Variants in MAPT observed in about 807,000 individuals in gnomAD.
The protein encoded by MAPT is microtubule associated protein tau.
MAPT carries 34 observed loss-of-function variants against 67.9 expected under a neutral mutation model. The ratio of observed to expected loss-of-function variants is 0.50; its 90% CI spans 0.38 to 0.67. The LOEUF (loss-of-function observed/expected upper bound fraction) is 0.67. Among genes scored for constraint, MAPT ranks in the 30% least tolerant of loss-of-function variants. The probability of loss-of-function intolerance (pLI) is 0.00; values close to 1 mark genes in which losing one functional copy is unlikely to be tolerated. For missense variants in MAPT, 881 were observed against 1,115.2 expected (o/e 0.79, Z 2.99); for synonymous variants, 456 against 464.5 (o/e 0.98, Z 0.23).
Position 45,971,806 on chromosome 17 carries a change from AGGG to A in MAPT, c.134-50_134-48del. The stretch of plus-strand genomic sequence containing the variant: ...CTCCCCAGTTCCTCCTGAGAACAAA[AGGG>A]GGCGCTGGGGAGAGGCCACCGTTCT... On this transcript the variant is annotated intron_variant, in intron 2 of 12. Transcript: ENST00000262410. The surrounding 1 kb of genome is among the most constrained non-coding windows in gnomAD (Gnocchi z 4.3). The A allele has an allele frequency of 7.7e-7, 1 of 1,291,686 alleles. No individual in the cohort carries two copies. The highest frequency in any genetic ancestry group is 1.1e-6 in the Non-Finnish European group (1 of 886,376). 80.0% of individuals were successfully genotyped at this position (1,291,686 alleles called of 1,614,324 possible). A position where few individuals can be genotyped will look rare whatever the true frequency, so the allele number is the denominator to read the frequency against.
At position 45,983,347 on chromosome 17, in the gene MAPT, C is replaced by T. The variant is rs1045768576; in HGVS notation, c.768C>T (p.Gly256=). ...SGTGPEDTEG[G]RHAPELLKHQ... The stretch of plus-strand genomic sequence containing the variant: ...CAGGACCTGAGGACACAGAGGGCGG[C>T]CGCCACGCCCCTGAGCTGCTCAAGC... Residue 256 remains glycine, a synonymous_variant, in exon 5 of 13, where the codon GGC becomes GGT. Coordinates refer to ENST00000262410, the MANE Select transcript of MAPT (RefSeq NM_001377265.1). 4 of 1,603,808 alleles carry T rather than the reference C, an allele frequency of 2.5e-6. No individual in the cohort carries two copies. The highest frequency in any genetic ancestry group is 3.4e-5 in the Admixed American group (2 of 58,908).
chr17:45,941,891 G>C (rs919076192), intron 1 of MAPT, among the ~76,000 whole-genome samples: 5 of 151,922 alleles, frequency 3.3e-5, no homozygotes, highest in Admixed American at 2.6e-4. Context: ...CCAGAACCTA[G>C]GTGTGTGCTT....
intron 4 of MAPT, chr17:45,980,460 T>A (rs1285041765): frequency 6.7e-6 from 1 of 148,646 alleles, no homozygotes; most frequent in Non-Finnish European, 1.5e-5. Flanking sequence ...GCCGAGATCA[T>A]GCCACTGCAC....
intron 1 of MAPT, among the ~76,000 whole-genome samples, chr17:45,904,170 T>TTA (rs574315253): frequency 3.0e-5 from 1 of 33,802 alleles, no homozygotes; most frequent in East Asian, 1.4e-3. Context: ...TTATATATAT[T>TTA]TATATATATA....
intron 5 of MAPT, among the ~76,000 whole-genome samples, chr17:45,985,186 T>C (rs964290625): frequency 5.3e-5 from 8 of 152,036 alleles, no homozygotes; most frequent in African/African-American, 1.7e-4. Context: ...GCACCTGTAG[T>C]CCCAGCTACT....
At chr17:45,958,877 A>G (rs1303656313) in intron 1 of MAPT, among the ~76,000 whole-genome samples, 1 of 152,120 alleles carries the variant, frequency 6.6e-6, no homozygotes, top group Non-Finnish European at 1.5e-5. Flanking sequence ...AGCTTGGCCA[A>G]CATGGTGAAA....
chr17:45,905,757 A>T (rs2064261418), intron 1 of MAPT, among the ~76,000 whole-genome samples: 1 of 152,194 alleles, frequency 6.6e-6, no homozygotes, highest in Non-Finnish European at 1.5e-5. Flanking sequence ...AATGGAGATT[A>T]TACTGTCTTC....
At chr17:45,931,781 T>A (rs1442235438) in intron 1 of MAPT, 1 of 152,218 alleles carries the variant, frequency 6.6e-6, no homozygotes, top group African/African-American at 2.4e-5. Flanking sequence ...CTGTTTTAAA[T>A]TTTAAATACA....
intron 3 of MAPT, chr17:45,975,113 C>T (rs1188767943): frequency 6.6e-6 from 1 of 152,602 alleles, no homozygotes; most frequent in Non-Finnish European, 1.5e-5. Context: ...CTCAGCCCAC[C>T]AGGCCCTAGG....
At position 45,987,043 on chromosome 17, in the gene MAPT, G is replaced by A. The variant is rs200710643; in HGVS notation, c.1355G>A (p.Arg452His). ...PVSRVPQLKARMVSKSKDGTG... is the reference protein window; with the variant it reads ...PVSRVPQLKAHMVSKSKDGTG... The stretch of plus-strand genomic sequence containing the variant: ...TTCTTATTTTATATTTTATCAGCTC[G>A]CATGGTCAGTAAAAGCAAAGACGGG... The change falls in exon 6 of 13, where the codon CGC (arginine) becomes CAC (histidine). Residue 452 changes from arginine (R) to histidine (H), a missense_variant. This residue lies in a region of MAPT where 687 missense variants were observed against 766.1 expected (regional missense o/e 0.90). Coordinates refer to ENST00000262410, the MANE Select transcript of MAPT (RefSeq NM_001377265.1). The A allele has an allele frequency of 3.5e-5, 57 of 1,613,520 alleles. No homozygotes were observed. Among genetic ancestry groups the A allele is most frequent in the South Asian group, 2.9e-4 (26 of 91,052 alleles).
At chr17:45,957,381 C>T (rs940055263) in intron 1 of MAPT, among the ~76,000 whole-genome samples, 3 of 152,170 alleles carry the variant, frequency 2.0e-5, no homozygotes, top group Non-Finnish European at 4.4e-5. Context: ...TGTCTGTTGG[C>T]GAACTCTAGC....
intron 1 of MAPT, among the ~76,000 whole-genome samples, chr17:45,909,335 C>T (rs2064579097): frequency 6.6e-6 from 1 of 152,218 alleles, no homozygotes; most frequent in South Asian, 2.1e-4. Context: ...ATAAGCCCTG[C>T]CTCCTACTGG....
chr17:45,950,080 G>C (rs552822144), intron 1 of MAPT, among the ~76,000 whole-genome samples: 13 of 152,214 alleles, frequency 8.5e-5, no homozygotes, highest in Admixed American at 6.5e-4. Context: ...ATGTGTGTTG[G>C]GGGGAGTTGG....
intron 12 of MAPT, among the ~76,000 whole-genome samples, chr17:46,020,044 C>A (rs2076428500): frequency 6.7e-6 from 1 of 150,364 alleles, no homozygotes; most frequent in Non-Finnish European, 1.5e-5. Context: ...GAACCACTGT[C>A]CTAGGCCCTG....
chr17:45,913,869 C>T (rs1260100118), intron 1 of MAPT, among the ~76,000 whole-genome samples: 1 of 150,966 alleles, frequency 6.6e-6, no homozygotes, highest in African/African-American at 2.4e-5. Context: ...ACCATTGGCT[C>T]TCTGACACCT....
At chr17:46,019,348 C>T (rs938530836) in intron 12 of MAPT, among the ~76,000 whole-genome samples, 1 of 152,112 alleles carries the variant, frequency 6.6e-6, no homozygotes, top group African/African-American at 2.4e-5. Context: ...ATGGGAGCTA[C>T]AATTCAAGAT....
At chr17:46,014,205 T>C (rs2076006890) in intron 10 of MAPT, 38 bp from the exon 11 acceptor site, 1 of 1,195,138 alleles carries the variant, frequency 8.4e-7, no homozygotes. Context: ...CCTCTCTCTC[T>C]GCCTTTCCTC....
chr17:46,021,716 C>T (rs17573907), intron 12 of MAPT, among the ~76,000 whole-genome samples: 21,822 of 152,206 alleles, frequency 0.14, 2,139 homozygotes, highest in Non-Finnish European at 0.22. Context: ...GTTCCTGGTG[C>T]GTTGCAGTCC....
chr17:45,971,773 G>A lies in MAPT; in HGVS notation c.134-86G>A, dbSNP rs2071702591. 7 of 981,028 alleles carry A rather than the reference G, an allele frequency of 7.1e-6. No homozygotes were observed. In the South Asian group the frequency reaches 7.8e-5, roughly 11 times the overall value. The allele number at this position is 981,028 out of a possible 1,614,324, so 60.8% of individuals were successfully genotyped here. On this transcript the variant is annotated intron_variant, in intron 2 of 12. Coordinates refer to ENST00000262410, the MANE Select transcript of MAPT (RefSeq NM_001377265.1). This position sits in a 1 kb window ranked among gnomAD's most constrained non-coding sequence, Gnocchi z 4.3. ...ACAGGGAGCGATTTTCAGCTCCACA[G>A]GACACTGCTCCCCAGTTCCTCCTGA... is the stretch of plus-strand genomic sequence containing the variant.
Sources: allele counts gnomAD v4.1 joint callset (sites outside exome capture counted in the v4.1 genomes callset), GRCh38; gene constraint gnomAD v4.1.1; regional missense constraint gnomAD v4.1.1; non-coding constraint Gnocchi (gnomAD v3.1); transcripts MANE v1.5; gene names NCBI Gene and HGNC (gene_info 2026-07-23, HGNC 2026-07-21).